Variants in PRKN observed in about 807,000 individuals in gnomAD.
PRKN encodes parkin RBR E3 ubiquitin protein ligase.
A neutral mutation model predicts 59.5 loss-of-function variants in PRKN; 56 were observed. That is an observed-to-expected ratio of 0.94 (90% CI 0.76 to 1.18). The LOEUF is 1.18. PRKN is among the 50% of genes most tolerant of loss of function. The pLI, the probability that PRKN is intolerant of heterozygous loss-of-function variation, is 0.00. For missense variants in PRKN, 657 were observed against 596.4 expected (o/e 1.10, Z -1.06); for synonymous variants, 250 against 222.1 (o/e 1.13, Z -1.12).
chr6:162,687,454 G>A (rs1777613164), intron 1 of PRKN, among the ~76,000 whole-genome samples: 1 of 152,014 alleles, frequency 6.6e-6, no homozygotes, highest in African/African-American at 2.4e-5. Flanking sequence ...AAAGTGCTGG[G>A]ATTACCGTCG....
chr6:162,671,247 T>C (rs1048669732), intron 1 of PRKN, among the ~76,000 whole-genome samples: 4 of 152,142 alleles, frequency 2.6e-5, no homozygotes, highest in Non-Finnish European at 5.9e-5. Flanking sequence ...ATGCCTGTAA[T>C]CCCAGCACTT....
chr6:162,488,027 CTTTTTTT>C (rs752587530), intron 1 of PRKN, among the ~76,000 whole-genome samples: 27 of 109,772 alleles, frequency 2.5e-4, no homozygotes, highest in South Asian at 2.3e-3. Context: ...CACCATTTCC[CTTTTTTT>C]TTTTTTTTTT....
At chr6:161,949,736 A>G (rs1338054958) in intron 6 of PRKN, among the ~76,000 whole-genome samples, 1 of 152,116 alleles carries the variant, frequency 6.6e-6, no homozygotes, top group South Asian at 2.1e-4. Context: ...AGGGATGACT[A>G]ACCACCTCCT....
intron 6 of PRKN, among the ~76,000 whole-genome samples, chr6:161,918,425 A>G (rs1175621998): frequency 6.6e-6 from 1 of 152,220 alleles, no homozygotes; most frequent in Non-Finnish European, 1.5e-5. Flanking sequence ...TCTACCTCTT[A>G]TGAGGCTTAT....
chr6:162,330,033 G>T (rs1783502342), intron 2 of PRKN, among the ~76,000 whole-genome samples: 1 of 152,140 alleles, frequency 6.6e-6, no homozygotes, highest in Non-Finnish European at 1.5e-5. Context: ...TCCTATCAAT[G>T]AATAGCTCTA....
chr6:162,247,110 T>C (rs770488833), intron 3 of PRKN, among the ~76,000 whole-genome samples: 6 of 152,178 alleles, frequency 3.9e-5, no homozygotes, highest in Non-Finnish European at 8.8e-5. Flanking sequence ...CTATATATAT[T>C]TATAGCTTTG....
At position 162,719,192 on chromosome 6, in the gene PRKN, T is replaced by C. The variant is rs75827564; in HGVS notation, c.7+8470A>G. Among the ~76,000 whole-genome samples the C allele has an allele frequency of 3.8e-3, 577 of 152,342 alleles. 23 individuals are homozygous for C. In the East Asian group the frequency reaches 0.088, roughly 23 times the overall value. ...CCATCTGATCCTATGAATTCAGACA[T>C]ATTCATGTAAAAACGTCTTTATATA... On this transcript the variant is annotated intron_variant, in intron 1 of 11. Transcript: ENST00000366898.
intron 3 of PRKN, among the ~76,000 whole-genome samples, chr6:162,244,381 A>G (rs368516910): frequency 6.6e-6 from 1 of 151,484 alleles, no homozygotes; most frequent in South Asian, 2.1e-4. Flanking sequence ...TTGACAGGGA[A>G]AAAAAAAGCT....
At chr6:162,504,139 G>C (rs1392216154) in intron 1 of PRKN, among the ~76,000 whole-genome samples, 2 of 152,140 alleles carry the variant, frequency 1.3e-5, no homozygotes, top group Non-Finnish European at 2.9e-5. Flanking sequence ...GGGTTGGAAA[G>C]GCAGAGGGAA....
At chr6:161,938,629 A>G (rs546151431) in intron 6 of PRKN, among the ~76,000 whole-genome samples, 16 of 152,352 alleles carry the variant, frequency 1.1e-4, no homozygotes, top group East Asian at 1.9e-4. Context: ...GAAATTTTGA[A>G]GGACGTTGAA....
chr6:161,421,235 G>T (rs73606946), intron 9 of PRKN, among the ~76,000 whole-genome samples: 1 of 152,106 alleles, frequency 6.6e-6, no homozygotes, highest in African/African-American at 2.4e-5. Flanking sequence ...TTGAGTGGGG[G>T]TACTTAAGTA....
At chr6:162,028,597 G>A (rs1783523904) in intron 5 of PRKN, among the ~76,000 whole-genome samples, 1 of 152,204 alleles carries the variant, frequency 6.6e-6, no homozygotes, top group East Asian at 1.9e-4. Context: ...GAGACTCTGA[G>A]GAGCTACGGG....
chr6:161,895,607 C>T (rs192232350), intron 6 of PRKN, among the ~76,000 whole-genome samples: 10 of 118,320 alleles, frequency 8.5e-5, no homozygotes, highest in African/African-American at 2.6e-4. Flanking sequence ...TTCAGGAGCA[C>T]GCCCACCCCA....
At chr6:161,384,881 TC>T (rs1178201371) in intron 10 of PRKN, among the ~76,000 whole-genome samples, 1 of 152,098 alleles carries the variant, frequency 6.6e-6, no homozygotes, top group Non-Finnish European at 1.5e-5. Context: ...CCAGTAAATC[TC>T]CCCCCATGGC....
intron 1 of PRKN, among the ~76,000 whole-genome samples, chr6:162,705,676 T>C (rs1427886702): frequency 6.6e-6 from 1 of 152,226 alleles, no homozygotes; most frequent in East Asian, 1.9e-4. Flanking sequence ...GATTCTTATC[T>C]GCTCTGCAAG....
At chr6:161,812,788 A>G (rs1457424379) in intron 6 of PRKN, among the ~76,000 whole-genome samples, 1 of 152,242 alleles carries the variant, frequency 6.6e-6, no homozygotes, top group Non-Finnish European at 1.5e-5. Context: ...TATTGTGGAG[A>G]TACTTTAAAA....
intron 7 of PRKN, among the ~76,000 whole-genome samples, chr6:161,680,961 T>C (rs1785338987): frequency 1.3e-5 from 2 of 151,676 alleles, no homozygotes; most frequent in Non-Finnish European, 2.9e-5. Flanking sequence ...TTAAAATTTT[T>C]TAAATTTTTT....
intron 2 of PRKN, among the ~76,000 whole-genome samples, chr6:162,290,215 G>A (rs1390974270): frequency 2.0e-5 from 3 of 152,172 alleles, no homozygotes; most frequent in South Asian, 4.2e-4. Context: ...GATTGTACAC[G>A]CTGAAAAACT....
intron 10 of PRKN, among the ~76,000 whole-genome samples, chr6:161,364,914 G>A (rs1029835497): frequency 5.4e-5 from 8 of 148,066 alleles, no homozygotes; most frequent in Admixed American, 2.7e-4. Flanking sequence ...CTGGGCAACG[G>A]AGTGAGACTT....
Sources: allele counts gnomAD v4.1 joint callset (sites outside exome capture counted in the v4.1 genomes callset), GRCh38; gene constraint gnomAD v4.1.1; transcripts MANE v1.5; gene names NCBI Gene and HGNC (gene_info 2026-07-23, HGNC 2026-07-21).